The following RELN variants were observed in gnomAD, a reference collection of about 807,000 sequenced individuals.
RELN encodes the protein reelin.
Under a neutral mutation model 427.6 loss-of-function variants are expected in RELN, and 108 were observed. The observed-to-expected ratio is 0.25, with a 90% confidence interval of 0.22 to 0.30. RELN has a LOEUF of 0.30. Among genes scored for constraint, RELN ranks in the 10% least tolerant of loss-of-function variants. RELN has a pLI of 1.00. For missense variants in RELN, 3,715 were observed against 4,302.8 expected (o/e 0.86, Z 3.82); for synonymous variants, 1,524 against 1,513.4 (o/e 1.01, Z -0.16).
chr7:103,900,721 G>C (rs999305211), intron 2 of RELN, among the ~76,000 whole-genome samples: 4 of 152,088 alleles, frequency 2.6e-5, no homozygotes, highest in African/African-American at 9.7e-5. Flanking sequence ...TGACGAACCT[G>C]ACACAAACAA....
chr7:103,526,429 G>A (rs930131534), intron 46 of RELN, among the ~76,000 whole-genome samples: 3 of 152,180 alleles, frequency 2.0e-5, no homozygotes, highest in Admixed American at 2.0e-4. Flanking sequence ...TATGTCCACG[G>A]TGAGTAACTA....
chr7:103,962,196 C>T (rs1246919073), intron 1 of RELN, among the ~76,000 whole-genome samples: 1 of 152,172 alleles, frequency 6.6e-6, no homozygotes, highest in Admixed American at 6.6e-5. Context: ...CTGAACTCAT[C>T]CTGTTCCCTG....
rs771024281 is a variant in RELN at position 103,798,801 on chromosome 7, G to A, written c.474-22174C>T. Among the ~76,000 whole-genome samples, 8 of 152,138 alleles carry A rather than the reference G, an allele frequency of 5.3e-5. No individual in the cohort carries two copies. In the South Asian group the frequency reaches 6.2e-4, roughly 12 times the overall value. ...TTTTAGGTACAGGAGATAAAGCAAC[G>A]AACAAATGTTTTTGTGTTCTCAAGT... is the stretch of plus-strand genomic sequence containing the variant. On this transcript the variant is annotated intron_variant, in intron 3 of 64. Coordinates refer to ENST00000428762, the MANE Select transcript of RELN (RefSeq NM_005045.4).
chr7:103,707,327 G>C (rs1834226103), intron 8 of RELN, among the ~76,000 whole-genome samples: 1 of 151,880 alleles, frequency 6.6e-6, no homozygotes, highest in Admixed American at 6.6e-5. Flanking sequence ...ACTATAAAGA[G>C]AGCTAAAAAA....
At chr7:103,942,189 A>T (rs921995913) in intron 1 of RELN, among the ~76,000 whole-genome samples, 1 of 152,168 alleles carries the variant, frequency 6.6e-6, no homozygotes, top group Non-Finnish European at 1.5e-5. Context: ...AGCAATTTTC[A>T]AGGATACAAT....
At chr7:103,572,399 G>A (rs1028866555) in intron 30 of RELN, 139 bp from the exon 31 acceptor site, 13 of 641,538 alleles carry the variant, frequency 2.0e-5, no homozygotes, top group Non-Finnish European at 3.1e-5. Flanking sequence ...ATGAGAAGCA[G>A]AAAATACATA....
rs956526188 is a variant in RELN at position 103,868,379 on chromosome 7, C to T, written c.338-34707G>A. ...AAAAGGCAAAATAGTATTTTCTAAA[C>T]CTACCTCCATATAGAAATGAGTATA... is the stretch of plus-strand genomic sequence containing the variant. On this transcript the variant is annotated intron_variant, in intron 2 of 64. Coordinates refer to ENST00000428762, the MANE Select transcript of RELN (RefSeq NM_005045.4). Among the ~76,000 whole-genome samples, 5 of 152,196 alleles carry T rather than the reference C, an allele frequency of 3.3e-5. No homozygotes were observed. In the South Asian group the frequency reaches 8.3e-4, roughly 25 times the overall value.
At chr7:103,498,573 C>T (rs1237504013) in intron 53 of RELN, among the ~76,000 whole-genome samples, 1 of 152,034 alleles carries the variant, frequency 6.6e-6, no homozygotes, top group Non-Finnish European at 1.5e-5. Flanking sequence ...CTAACTGCAG[C>T]CTCTGCCTCC....
intron 2 of RELN, among the ~76,000 whole-genome samples, chr7:103,909,688 A>AAT (rs1172480876): frequency 5.9e-5 from 4 of 67,422 alleles, no homozygotes; most frequent in Non-Finnish European, 9.7e-5. Flanking sequence ...ATATTTAATA[A>AAT]ATATATATAT....
intron 2 of RELN, among the ~76,000 whole-genome samples, chr7:103,894,159 T>G (rs887700602): frequency 2.6e-5 from 4 of 152,302 alleles, no homozygotes; most frequent in Middle Eastern, 3.4e-3. Flanking sequence ...TCTTCATATC[T>G]ACCAATCTAT....
chr7:103,628,013 G>T (rs564965524), intron 20 of RELN: 12 of 152,214 alleles, frequency 7.9e-5, no homozygotes, highest in South Asian at 6.2e-4. Flanking sequence ...CATGATACAG[G>T]ACTTGCATTC....
At chr7:103,931,509 C>T (rs1795865009) in intron 1 of RELN, among the ~76,000 whole-genome samples, 1 of 152,110 alleles carries the variant, frequency 6.6e-6, no homozygotes, top group Admixed American at 6.6e-5. Context: ...AATGTCTGAT[C>T]CCTCATTGCA....
In RELN at chr7:103,545,211, T is replaced by A. The variant is rs768912165; in HGVS notation, c.6436A>T (p.Thr2146Ser). Residue 2146 changes from threonine to serine, a missense_variant, in exon 42 of 65, where the codon ACC becomes TCC. Coordinates refer to ENST00000428762, the MANE Select transcript of RELN (RefSeq NM_005045.4). ...CNGQGSCING[T>S]KCICDPGYSG... ...TAGCCAGGGTCACATATACATTTGG[T>A]TCCATTGATACAGCTCCCCTGTCCA... The A allele has an allele frequency of 6.2e-7, 1 of 1,614,140 alleles. No homozygotes were observed. The highest frequency in any genetic ancestry group is 8.5e-7 in the Non-Finnish European group (1 of 1,180,008).
At chr7:103,825,863 T>C (rs1329377357) in intron 3 of RELN, among the ~76,000 whole-genome samples, 1 of 151,988 alleles carries the variant, frequency 6.6e-6, no homozygotes, top group Non-Finnish European at 1.5e-5. Context: ...CTAAACAAAT[T>C]TTAGAATGTG....
At position 103,652,755 on chromosome 7, in the gene RELN, G is replaced by C; in HGVS notation, c.1559C>G (p.Pro520Arg). 1 of 1,612,372 alleles carries C rather than the reference G, an allele frequency of 6.2e-7. No homozygotes were observed. The highest frequency in any genetic ancestry group is 2.2e-5 in the East Asian group (1 of 44,766). ...ATTGATGACCACAGAAACCAAAGAC[G>C]GAACCTTTCAAACAAAGGAGACCAG... ...DTLSYSSYKV[P>R]SLVSVVINPE... The change falls in exon 14 of 65, where the codon CCG becomes CGG. Residue 520 changes from proline to arginine, a missense_variant. Around this residue, in one of 4 missense-constraint regions of RELN, gnomAD observed 2,208 missense variants for 2,361.7 expected, o/e 0.93. Coordinates refer to ENST00000428762, the MANE Select transcript of RELN (RefSeq NM_005045.4).
intron 3 of RELN, among the ~76,000 whole-genome samples, chr7:103,826,678 T>C (rs1793148954): frequency 1.3e-5 from 2 of 152,046 alleles, no homozygotes; most frequent in Non-Finnish European, 2.9e-5. Flanking sequence ...GTTTAATCAA[T>C]TCTAGTGATA....
Position 103,542,535 on chromosome 7 carries a change from T to C in RELN, c.6671+196A>G, listed in dbSNP as rs139083134. Among the ~76,000 whole-genome samples, 44 of 152,362 alleles carry C rather than the reference T, an allele frequency of 2.9e-4. No homozygotes were observed. In the East Asian group the frequency reaches 8.3e-3, roughly 29 times the overall value. ...GTATGTTTCCTTTCTGATTAAGTTA[T>C]TGAATAATCTCTTTCAATTTTAGAA... On this transcript the variant is annotated intron_variant, in intron 43 of 64. Transcript: ENST00000428762.
chr7:103,549,722 C>T (rs1004061813), intron 41 of RELN, among the ~76,000 whole-genome samples: 1 of 152,206 alleles, frequency 6.6e-6, no homozygotes, highest in African/African-American at 2.4e-5. Flanking sequence ...GCTAAGTCCC[C>T]CACACTTTCT....
intron 2 of RELN, among the ~76,000 whole-genome samples, chr7:103,876,322 C>A (rs964435600): frequency 6.6e-6 from 1 of 152,086 alleles, no homozygotes; most frequent in African/African-American, 2.4e-5. Flanking sequence ...GAGGCTCACA[C>A]AAGATAAAGA....
Sources: allele counts gnomAD v4.1 joint callset (sites outside exome capture counted in the v4.1 genomes callset), GRCh38; gene constraint gnomAD v4.1.1; regional missense constraint gnomAD v4.1.1; transcripts MANE v1.5; gene names NCBI Gene and HGNC (gene_info 2026-07-23, HGNC 2026-07-21).